Variants in ZDHHC14 observed in about 807,000 individuals in gnomAD.
ZDHHC14 encodes palmitoyltransferase ZDHHC14.
In ZDHHC14, 16 loss-of-function variants were observed where a neutral mutation model predicts 47.7. That is an observed-to-expected ratio of 0.34 (90% CI 0.23 to 0.51). The LOEUF is 0.51. ZDHHC14 is among the 20% of genes least tolerant of loss of function. The pLI, the probability that ZDHHC14 is intolerant of heterozygous loss-of-function variation, is 0.97. For synonymous variants in ZDHHC14, 293 were observed against 278.9 expected, an observed-to-expected ratio of 1.05 and a Z score of -0.50; for missense variants, 515 against 662.5, an observed-to-expected ratio of 0.78 and a Z score of 2.44.
chr6:157,492,513 G>A (rs1779951138), intron 1 of ZDHHC14, among the ~76,000 whole-genome samples: 1 of 152,236 alleles, frequency 6.6e-6, no homozygotes, highest in African/African-American at 2.4e-5. Context: ...GAATGATTCT[G>A]CCTTGGGGGC....
At chr6:157,551,848 A>G (rs1782249071) in intron 2 of ZDHHC14, among the ~76,000 whole-genome samples, 1 of 152,238 alleles carries the variant, frequency 6.6e-6, no homozygotes, top group East Asian at 1.9e-4. Context: ...CATATTTAAA[A>G]TAGCCATATG....
chr6:157,673,018 AG>A lies in ZDHHC14; in HGVS notation c.1364del (p.Ser455ThrfsTer29). On this transcript the variant is annotated frameshift_variant, in exon 9 of 9. Transcript: ENST00000359775. LOFTEE classifies it high-confidence loss of function. This position sits in a 1 kb window ranked among gnomAD's most constrained non-coding sequence, Gnocchi z 5.4. Reference sequence around the variant, plus strand: ...GCCCCCCAGGCTACTGGCGGCGGGCAGCCCCCTGGCGCACAGCCGCACCATG... The same window carrying A: ...GCCCCCCAGGCTACTGGCGGCGGGCACCCCCTGGCGCACAGCCGCACCATG... ...PSPPRLLAAGSPLAHSRTMHV... is the reference protein window; with the variant it reads ...PSPPRLLAAGXPLAHSRTMHV... 6.4e-7 allele frequency: 1 copy of A among 1,569,086 alleles called. No individual in the cohort carries two copies. The highest frequency in any genetic ancestry group is 8.6e-7 in the Non-Finnish European group (1 of 1,163,266).
chr6:157,420,676 T>C (rs1778082177), intron 1 of ZDHHC14, among the ~76,000 whole-genome samples: 1 of 152,222 alleles, frequency 6.6e-6, no homozygotes, highest in Non-Finnish European at 1.5e-5. Flanking sequence ...TCCTTCACTC[T>C]ATAGAAGTAG....
intron 3 of ZDHHC14, among the ~76,000 whole-genome samples, chr6:157,594,702 G>A (rs1784052413): frequency 1.3e-5 from 2 of 152,090 alleles, no homozygotes; most frequent in East Asian, 3.9e-4. Flanking sequence ...CTCCATGTGG[G>A]GGCACACCAG....
chr6:157,654,191 CG>C (rs1373964956), intron 8 of ZDHHC14, among the ~76,000 whole-genome samples: 4 of 152,146 alleles, frequency 2.6e-5, no homozygotes, highest in African/African-American at 9.7e-5. Context: ...CTTTCTTCGA[CG>C]GGTGGACATG....
chr6:157,668,412 G>A (rs148030555), intron 8 of ZDHHC14, among the ~76,000 whole-genome samples: 4 of 151,662 alleles, frequency 2.6e-5, no homozygotes, highest in African/African-American at 9.7e-5. Flanking sequence ...GGCTAGGCAC[G>A]GTGGCTCAGA....
intron 1 of ZDHHC14, among the ~76,000 whole-genome samples, chr6:157,469,939 C>T (rs1251483713): frequency 2.6e-5 from 4 of 152,246 alleles, no homozygotes; most frequent in Admixed American, 6.5e-5. Context: ...GGGAGGGCTT[C>T]AGGCCAGAAG....
intron 1 of ZDHHC14, among the ~76,000 whole-genome samples, chr6:157,507,436 C>G (rs1189112482): frequency 1.3e-5 from 2 of 151,950 alleles, no homozygotes; most frequent in Non-Finnish European, 2.9e-5. Flanking sequence ...GGCACGCCAC[C>G]ACACCTGGCT....
intron 2 of ZDHHC14, among the ~76,000 whole-genome samples, chr6:157,546,735 A>T (rs531233581): frequency 6.6e-6 from 1 of 152,200 alleles, no homozygotes; most frequent in African/African-American, 2.4e-5. Context: ...GTTAGAAAAA[A>T]ATGACAAAAA....
At chr6:157,511,770 T>G (rs1263549221) in intron 1 of ZDHHC14, among the ~76,000 whole-genome samples, 2 of 152,220 alleles carry the variant, frequency 1.3e-5, no homozygotes, top group African/African-American at 4.8e-5. Context: ...GTTTGCCTAA[T>G]GCATGTGCTC....
chr6:157,676,354 T>C lies in ZDHHC14; in HGVS notation c.*3232T>C, dbSNP rs1414061070. 1 of 152,216 alleles carries C rather than the reference T, an allele frequency of 6.6e-6. No individual in the cohort carries two copies. The highest frequency in any genetic ancestry group is 1.5e-5 in the Non-Finnish European group (1 of 68,070). 9.4% of individuals were successfully genotyped at this position (152,216 alleles called of 1,614,324 possible). A position where few individuals can be genotyped will look rare whatever the true frequency, so the allele number is the denominator to read the frequency against. On this transcript the variant is annotated 3_prime_UTR_variant, in exon 9 of 9. Transcript: ENST00000359775. Reference sequence around the variant, plus strand: ...ATGTCCCCACCCTAAGCCAGCAAAATGCGAAATCTCTGTTCTGGCCCAGAA... The same window carrying C: ...ATGTCCCCACCCTAAGCCAGCAAAACGCGAAATCTCTGTTCTGGCCCAGAA...
At chr6:157,639,837 G>A (rs963914987) in intron 5 of ZDHHC14, among the ~76,000 whole-genome samples, 3 of 152,094 alleles carry the variant, frequency 2.0e-5, no homozygotes, top group African/African-American at 7.2e-5. Context: ...GGGGAGCCGT[G>A]GTGAGTTCTG....
intron 3 of ZDHHC14, among the ~76,000 whole-genome samples, chr6:157,609,897 C>T (rs1784685196): frequency 6.6e-6 from 1 of 152,228 alleles, no homozygotes; most frequent in Admixed American, 6.5e-5. Flanking sequence ...AGGGTCTGCT[C>T]ACCCAGGCCT....
At chr6:157,457,867 C>T (rs1023915976) in intron 1 of ZDHHC14, among the ~76,000 whole-genome samples, 2 of 152,228 alleles carry the variant, frequency 1.3e-5, no homozygotes, top group African/African-American at 4.8e-5. Context: ...CCTCAACTGC[C>T]ATGCTGAGGT....
intron 1 of ZDHHC14, among the ~76,000 whole-genome samples, chr6:157,537,400 G>GTATTT (rs1391595738): frequency 1.2e-4 from 19 of 152,200 alleles, no homozygotes; most frequent in Non-Finnish European, 2.5e-4. Context: ...TTGTGCATAG[G>GTATTT]TATTTATCAT....
chr6:157,673,258 AC>A lies in ZDHHC14; in HGVS notation c.*138del. ...ACAGCCCCAGGTCTGGGGTACAGAG[AC>A]CACTTAGGATGGCACAGGGTGGCTG... is the stretch of plus-strand genomic sequence containing the variant. On this transcript the variant is annotated 3_prime_UTR_variant, in exon 9 of 9. Transcript: ENST00000359775. This position sits in a 1 kb window ranked among gnomAD's most constrained non-coding sequence, Gnocchi z 5.4. 8.1e-7 allele frequency: 1 copy of A among 1,238,122 alleles called. No homozygotes were observed. Among genetic ancestry groups the A allele is most frequent in the Non-Finnish European group, 1.1e-6 (1 of 934,258 alleles). 76.7% of individuals were successfully genotyped at this position (1,238,122 alleles called of 1,614,324 possible). A position where few individuals can be genotyped will look rare whatever the true frequency, so the allele number is the denominator to read the frequency against.
chr6:157,613,197 G>A (rs993070001), intron 3 of ZDHHC14, among the ~76,000 whole-genome samples: 4 of 152,202 alleles, frequency 2.6e-5, no homozygotes, highest in Admixed American at 6.5e-5. Flanking sequence ...CTACAAATTC[G>A]AATAAAACAG....
intron 3 of ZDHHC14, among the ~76,000 whole-genome samples, chr6:157,621,813 C>A (rs1323896223): frequency 1.3e-5 from 2 of 152,144 alleles, no homozygotes; most frequent in South Asian, 2.1e-4. Context: ...TGGTCCCTGT[C>A]CTATTGTAAT....
At chr6:157,421,903 C>T (rs893260310) in intron 1 of ZDHHC14, among the ~76,000 whole-genome samples, 6 of 152,102 alleles carry the variant, frequency 3.9e-5, no homozygotes, top group Admixed American at 1.3e-4. Flanking sequence ...CCACCGCGCC[C>T]GGCCTGGATT....
Sources: gnomAD v4.1 joint callset for allele counts (sites outside exome capture counted in the v4.1 genomes callset) on GRCh38, gnomAD v4.1.1 for gene constraint, Gnocchi (gnomAD v3.1) non-coding constraint, MANE v1.5 for transcripts, NCBI Gene and HGNC (gene_info 2026-07-23, HGNC 2026-07-21) for gene names.